Variants in PARD3B observed in about 807,000 individuals in gnomAD.
PARD3B encodes the protein partitioning defective 3 homolog B.
In PARD3B, 103 loss-of-function variants were observed where a neutral mutation model predicts 130.2. The ratio of observed to expected loss-of-function variants is 0.79; its 90% CI spans 0.67 to 0.93. The LOEUF (loss-of-function observed/expected upper bound fraction) is 0.93, where lower values mean the gene tolerates loss of function less well. Ranked by LOEUF, PARD3B falls within the 40% of genes least tolerant of loss-of-function variation. The pLI is 0.00. For synonymous variants in PARD3B, 583 were observed against 553.2 expected (o/e 1.05, Z -0.76); for missense variants, 1,609 against 1,499.2 (o/e 1.07, Z -1.21).
intron 21 of PARD3B, among the ~76,000 whole-genome samples, chr2:205,508,806 T>C (rs2050477154): frequency 6.6e-6 from 1 of 152,176 alleles, no homozygotes; most frequent in Non-Finnish European, 1.5e-5. Context: ...GTCTATACAT[T>C]GCGTGGGTTT....
chr2:204,853,992 GAA>G (rs759673249), intron 2 of PARD3B, among the ~76,000 whole-genome samples: 13 of 152,280 alleles, frequency 8.5e-5, no homozygotes, highest in Admixed American at 2.6e-4. Flanking sequence ...AGACATAAAA[GAA>G]GAGATAAAAA....
intron 20 of PARD3B, among the ~76,000 whole-genome samples, chr2:205,488,717 G>T (rs1466820565): frequency 6.6e-6 from 1 of 152,148 alleles, no homozygotes; most frequent in African/African-American, 2.4e-5. Flanking sequence ...TAGGAAAGGT[G>T]CCTAGGAACT....
intron 20 of PARD3B, among the ~76,000 whole-genome samples, chr2:205,471,059 G>A (rs757560361): frequency 1.3e-5 from 2 of 152,164 alleles, no homozygotes; most frequent in African/African-American, 2.4e-5. Context: ...TTAATTCAGT[G>A]ACTGGCAGTG....
intron 20 of PARD3B, among the ~76,000 whole-genome samples, chr2:205,453,066 G>A (rs1200552648): frequency 1.3e-5 from 2 of 152,102 alleles, no homozygotes; most frequent in East Asian, 1.9e-4. Context: ...TCTTCACTTC[G>A]ACATAAAATA....
At chr2:205,264,618 C>T (rs936626978) in intron 16 of PARD3B, among the ~76,000 whole-genome samples, 1 of 151,042 alleles carries the variant, frequency 6.6e-6, no homozygotes, top group Admixed American at 6.6e-5. Flanking sequence ...ATTTTGTGAA[C>T]ATAATCTTAT....
At chr2:204,751,167 T>A (rs1290648217) in intron 2 of PARD3B, among the ~76,000 whole-genome samples, 1 of 152,116 alleles carries the variant, frequency 6.6e-6, no homozygotes, top group Admixed American at 6.5e-5. Flanking sequence ...AAGCAGCTTC[T>A]TTTTTTGACT....
intron 21 of PARD3B, among the ~76,000 whole-genome samples, chr2:205,507,086 AGGAAACATCCTGGAGT>A (rs1306883915): frequency 6.6e-6 from 1 of 151,858 alleles, no homozygotes; most frequent in African/African-American, 2.4e-5. Flanking sequence ...TCTGTAGATC[AGGAAACATCCTGGAGT>A]GGATGTTCAG....
chr2:204,992,045 G>C (rs1575499329), intron 3 of PARD3B, among the ~76,000 whole-genome samples: 9 of 151,954 alleles, frequency 5.9e-5, no homozygotes, highest in Admixed American at 5.9e-4. Flanking sequence ...TACTCTGATG[G>C]TAGTTTCTTT....
rs999324702 is a variant in PARD3B at position 205,564,024 on chromosome 2, G to C, written c.3260+10621G>C. Among the ~76,000 whole-genome samples, 2 of 152,212 alleles carry C rather than the reference G, an allele frequency of 1.3e-5. No individual in the cohort carries two copies. The highest frequency in any genetic ancestry group is 2.9e-5 in the Non-Finnish European group (2 of 68,044). On this transcript the variant is annotated intron_variant, in intron 22 of 22. Transcript: ENST00000406610. The surrounding 1 kb of genome is among the most constrained non-coding windows in gnomAD (Gnocchi z 4.6). ...AAATATGTCACCTCATTTATTTCCTGTAACAATCCTGATATAAATATTATC... is the reference window on the plus strand; with the variant it reads ...AAATATGTCACCTCATTTATTTCCTCTAACAATCCTGATATAAATATTATC...
chr2:205,480,397 T>G (rs1008773576), intron 20 of PARD3B, among the ~76,000 whole-genome samples: 1 of 152,186 alleles, frequency 6.6e-6, no homozygotes, highest in African/African-American at 2.4e-5. Context: ...GTCACTGTCT[T>G]CTCATCATAT....
chr2:204,961,034 G>A (rs1314700763), intron 2 of PARD3B, among the ~76,000 whole-genome samples: 1 of 152,188 alleles, frequency 6.6e-6, no homozygotes, highest in Admixed American at 6.6e-5. Flanking sequence ...CAATAGTGCA[G>A]CTGGATGGAG....
chr2:205,340,040 A>G (rs376536610), intron 18 of PARD3B, among the ~76,000 whole-genome samples: 1 of 152,148 alleles, frequency 6.6e-6, no homozygotes, highest in African/African-American at 2.4e-5. Flanking sequence ...GTAGAGAGTT[A>G]TATTGCTGAA....
intron 20 of PARD3B, among the ~76,000 whole-genome samples, chr2:205,464,383 C>T (rs190303086): frequency 2.6e-5 from 4 of 152,236 alleles, no homozygotes; most frequent in Non-Finnish European, 5.9e-5. Context: ...AATGACCACC[C>T]TACTTCTCTC....
At chr2:204,947,189 A>T (rs1218335830) in intron 2 of PARD3B, among the ~76,000 whole-genome samples, 1 of 152,182 alleles carries the variant, frequency 6.6e-6, no homozygotes, top group Non-Finnish European at 1.5e-5. Flanking sequence ...AGTGCTCTGC[A>T]TATGTATTTT....
At chr2:204,750,209 A>AT (rs1408992861) in intron 2 of PARD3B, among the ~76,000 whole-genome samples, 1 of 152,218 alleles carries the variant, frequency 6.6e-6, no homozygotes, top group Admixed American at 6.5e-5. Context: ...TCTAAGCACT[A>AT]TCACTTTAGA....
intron 1 of PARD3B, among the ~76,000 whole-genome samples, chr2:204,660,586 C>G (rs2035773778): frequency 6.6e-6 from 1 of 152,080 alleles, no homozygotes; most frequent in Non-Finnish European, 1.5e-5. Context: ...ATTAGTGGAC[C>G]AGGCCAACAT....
intron 18 of PARD3B, among the ~76,000 whole-genome samples, chr2:205,399,614 C>G (rs1574922755): frequency 6.6e-6 from 1 of 152,286 alleles, no homozygotes; most frequent in Non-Finnish European, 1.5e-5. Context: ...CTTGGCCTCC[C>G]AAAGTGCTGG....
At chr2:204,994,091 C>A (rs1226129354) in intron 3 of PARD3B, among the ~76,000 whole-genome samples, 1 of 148,236 alleles carries the variant, frequency 6.7e-6, no homozygotes, top group South Asian at 2.2e-4. Flanking sequence ...CAGTTCTGCT[C>A]TGATTTTAGT....
intron 2 of PARD3B, among the ~76,000 whole-genome samples, chr2:204,853,826 A>G (rs1186692296): frequency 1.3e-5 from 2 of 152,230 alleles, no homozygotes; most frequent in East Asian, 3.8e-4. Flanking sequence ...AATAAATAAT[A>G]CACATTTTAA....
Sources: gnomAD v4.1 joint callset for allele counts (sites outside exome capture counted in the v4.1 genomes callset) on GRCh38, gnomAD v4.1.1 for gene constraint, Gnocchi (gnomAD v3.1) non-coding constraint, MANE v1.5 for transcripts, NCBI Gene and HGNC (gene_info 2026-07-23, HGNC 2026-07-21) for gene names.